DYSF: variants seen among roughly 807,000 people sequenced by gnomAD.
DYSF encodes dystrophy-associated fer-1-like 1.
In DYSF, 212 loss-of-function variants were observed where a neutral mutation model predicts 274.9. The ratio of observed to expected loss-of-function variants is 0.77; its 90% CI spans 0.69 to 0.86. DYSF has a LOEUF of 0.86. Among genes scored for constraint, DYSF ranks in the 40% least tolerant of loss-of-function variants. DYSF has a pLI of 0.00. For missense variants in DYSF, 2,666 were observed against 2,783.2 expected (o/e 0.96, Z 0.95); for synonymous variants, 1,091 against 1,078.7 (o/e 1.01, Z -0.22).
At chr2:71,490,220 TATAA>T (rs1208945031) in intron 3 of DYSF, among the ~76,000 whole-genome samples, 2 of 152,170 alleles carry the variant, frequency 1.3e-5, no homozygotes, top group Non-Finnish European at 2.9e-5. Context: ...TTTTTATAAG[TATAA>T]AAGTGCATTT....
chr2:71,645,338 G>A (rs1361631018), intron 42 of DYSF, among the ~76,000 whole-genome samples: 4 of 152,056 alleles, frequency 2.6e-5, no homozygotes, highest in Admixed American at 6.6e-5. Flanking sequence ...CTGGAGTCGC[G>A]CTGCTCAGTG....
intron 41 of DYSF, among the ~76,000 whole-genome samples, chr2:71,624,663 A>G (rs1327764994): frequency 6.6e-6 from 1 of 152,172 alleles, no homozygotes; most frequent in Non-Finnish European, 1.5e-5. Flanking sequence ...TAAATTTAAA[A>G]AAAATGACCG....
intron 20 of DYSF, among the ~76,000 whole-genome samples, 183 bp from the exon 21 acceptor site, chr2:71,553,624 C>T (rs998924434): frequency 5.3e-5 from 8 of 152,194 alleles, no homozygotes; most frequent in African/African-American, 9.6e-5. Flanking sequence ...GGCCACTCCA[C>T]GTGTCCAAGG....
chr2:71,544,919 T>C (rs1226801319), intron 17 of DYSF, among the ~76,000 whole-genome samples: 3 of 152,170 alleles, frequency 2.0e-5, no homozygotes, highest in Non-Finnish European at 1.5e-5. Context: ...TTGAACAAAG[T>C]ATTCTTGGTC....
chr2:71,538,957 G>A (rs1284077390), intron 16 of DYSF, among the ~76,000 whole-genome samples, 200 bp from the exon 17 acceptor site: 1 of 152,176 alleles, frequency 6.6e-6, no homozygotes, highest in Non-Finnish European at 1.5e-5. Context: ...CTCTCAGAGA[G>A]TCTTGGGCAA....
chr2:71,648,745 C>G (rs2094606658), intron 42 of DYSF, among the ~76,000 whole-genome samples: 1 of 152,064 alleles, frequency 6.6e-6, no homozygotes, highest in Non-Finnish European at 1.5e-5. Flanking sequence ...CTCCCCACCT[C>G]TTGAAAAGAA....
rs756463088 is a variant in DYSF, at chr2:71,503,220, G to A, written c.246G>A (p.Leu82=). Reference sequence around the variant, plus strand: ...GACTTCTCTCTCCTCTCAGGTTCCTGGGGGAAGCCAAGGTCCCACTCCGAG... The same window carrying A: ...GACTTCTCTCTCCTCTCAGGTTCCTAGGGGAAGCCAAGGTCCCACTCCGAG... The part of the protein sequence containing the change: ...DHETMGRNRF[L]GEAKVPLREV... Residue 82 remains leucine (L), a synonymous_variant, in exon 4 of 56, where the codon CTG becomes CTA. Transcript: ENST00000410020. 19 of 1,613,836 alleles carry A rather than the reference G, an allele frequency of 1.2e-5. No individual in the cohort carries two copies. In the Admixed American group the frequency reaches 3.2e-4, roughly 27 times the overall value.
chr2:71,631,912 A>G (rs766921646), intron 41 of DYSF, among the ~76,000 whole-genome samples: 10 of 152,046 alleles, frequency 6.6e-5, no homozygotes, highest in Non-Finnish European at 1.5e-4. Context: ...TCCATCAGGG[A>G]GGAGGAGGCC....
intron 45 of DYSF, 99 bp downstream of exon 45, chr2:71,660,750 C>T: frequency 9.6e-7 from 1 of 1,046,148 alleles, no homozygotes; most frequent in Non-Finnish European, 1.5e-6. Flanking sequence ...GTCCGTATCT[C>T]TTGGAGCAAA....
intron 3 of DYSF, 45 bp from the exon 4 acceptor site, chr2:71,503,169 G>A: frequency 1.3e-6 from 2 of 1,567,134 alleles, no homozygotes; most frequent in Non-Finnish European, 1.8e-6. Context: ...AAGAGCCAGG[G>A]TGCCTTAGGC....
intron 51 of DYSF, among the ~76,000 whole-genome samples, chr2:71,671,503 C>T (rs1019842177): frequency 2.6e-5 from 4 of 152,204 alleles, no homozygotes; most frequent in African/African-American, 7.2e-5. Flanking sequence ...AGACTGAGAC[C>T]GAGAGGAATG....
At chr2:71,601,636 C>T (rs2093553334) in intron 35 of DYSF, 108 bp downstream of exon 35, 3 of 1,468,344 alleles carry the variant, frequency 2.0e-6, no homozygotes, top group South Asian at 1.1e-5. Context: ...GATCCTGCCT[C>T]AAGCCCCCGG....
chr2:71,671,705 G>A (rs1442639271), intron 51 of DYSF, among the ~76,000 whole-genome samples: 4 of 152,220 alleles, frequency 2.6e-5, no homozygotes, highest in Non-Finnish European at 4.4e-5. Flanking sequence ...AATGTGACTG[G>A]CAGCACAGAG....
rs2094075987 is a variant in DYSF at position 71,620,700 on chromosome 2, G to T, written c.4527+91G>T. Reference sequence around the variant, plus strand: ...AGGAGGGAAATGGGAGGGGAGAGTGGGAGGGAAGAAAGGAGGTATTTCCTG... The same window carrying T: ...AGGAGGGAAATGGGAGGGGAGAGTGTGAGGGAAGAAAGGAGGTATTTCCTG... On this transcript the variant is annotated intron_variant, in intron 41 of 55. Transcript: ENST00000410020. 3 of 1,334,142 alleles carry T rather than the reference G, an allele frequency of 2.2e-6. No homozygotes were observed. In the Admixed American group the frequency reaches 6.1e-5, roughly 27 times the overall value. The allele number at this position is 1,334,142 out of a possible 1,614,324, so 82.6% of individuals were successfully genotyped here.
At chr2:71,518,081 C>T (rs1021247694) in intron 10 of DYSF, among the ~76,000 whole-genome samples, 1 of 152,054 alleles carries the variant, frequency 6.6e-6, no homozygotes, top group African/African-American at 2.4e-5. Flanking sequence ...AGATATGGAT[C>T]CCTGGGGGAG....
intron 12 of DYSF, among the ~76,000 whole-genome samples, chr2:71,525,883 C>CTACT (rs1341416066): frequency 6.6e-6 from 1 of 152,192 alleles, no homozygotes; most frequent in Non-Finnish European, 1.5e-5. Flanking sequence ...ACCTCAGTTA[C>CTACT]TACTGTACTA....
upstream of DYSF, among the ~76,000 whole-genome samples, chr2:71,465,516 C>A (rs758303952): frequency 8.2e-4 from 124 of 152,116 alleles, no homozygotes; most frequent in Non-Finnish European, 1.4e-3. Flanking sequence ...GTCATGACTA[C>A]AAAAGGCACC....
intron 14 of DYSF, among the ~76,000 whole-genome samples, chr2:71,529,133 C>T (rs1047122270): frequency 6.6e-6 from 1 of 152,216 alleles, no homozygotes; most frequent in Non-Finnish European, 1.5e-5. Context: ...CACAAACTGC[C>T]CCATATCCAA....
chr2:71,585,626 G>A (rs13413562), intron 30 of DYSF, among the ~76,000 whole-genome samples: 4,843 of 152,232 alleles, frequency 0.032, 239 homozygotes, highest in African/African-American at 0.11. Flanking sequence ...CCACCGGGCC[G>A]GCCTGTGTCA....
Sources: allele counts gnomAD v4.1 joint callset (sites outside exome capture counted in the v4.1 genomes callset), GRCh38; gene constraint gnomAD v4.1.1; transcripts MANE v1.5; gene names NCBI Gene and HGNC (gene_info 2026-07-23, HGNC 2026-07-21).